The following CNTNAP4 variants were observed in gnomAD, a reference collection of about 807,000 sequenced individuals.
CNTNAP4 encodes the protein contactin associated protein family member 4.
In CNTNAP4, 98 loss-of-function variants were observed where a neutral mutation model predicts 148.4. The observed-to-expected ratio is 0.66, with a 90% confidence interval of 0.56 to 0.78. The LOEUF (loss-of-function observed/expected upper bound fraction) is 0.78, where lower values mean the gene tolerates loss of function less well. Ranked by LOEUF, CNTNAP4 falls within the 30% of genes least tolerant of loss-of-function variation. The probability of loss-of-function intolerance (pLI) is 0.00; values close to 1 mark genes in which losing one functional copy is unlikely to be tolerated. For missense variants in CNTNAP4, 1,935 were observed against 1,565.6 expected (o/e 1.24, Z -3.98); for synonymous variants, 730 against 565.1 (o/e 1.29, Z -4.14).
intron 1 of CNTNAP4, among the ~76,000 whole-genome samples, chr16:76,289,111 A>G (rs1317863030): frequency 6.6e-6 from 1 of 152,150 alleles, no homozygotes; most frequent in African/African-American, 2.4e-5. Context: ...ATAGGCCACT[A>G]CATCAAATTA....
At chr16:76,529,276 T>C (rs2083871807) in intron 17 of CNTNAP4, among the ~76,000 whole-genome samples, 1 of 152,012 alleles carries the variant, frequency 6.6e-6, no homozygotes, top group African/African-American at 2.4e-5. Context: ...TATGCCTATC[T>C]TAAAGAGTCC....
chr16:76,279,838 A>AT (rs1310531402), intron 1 of CNTNAP4, among the ~76,000 whole-genome samples: 3 of 152,132 alleles, frequency 2.0e-5, no homozygotes, highest in Non-Finnish European at 4.4e-5. Context: ...TTTCTATTTC[A>AT]TTTTTCAATA....
At chr16:76,424,845 A>G (rs981252285) in intron 3 of CNTNAP4, among the ~76,000 whole-genome samples, 3 of 152,154 alleles carry the variant, frequency 2.0e-5, no homozygotes, top group African/African-American at 2.4e-5. Flanking sequence ...TGCTCAGGCT[A>G]TGAGCGCTGA....
intron 21 of CNTNAP4, among the ~76,000 whole-genome samples, chr16:76,552,010 CA>C (rs1287726755): frequency 6.6e-6 from 1 of 152,158 alleles, no homozygotes; most frequent in Admixed American, 6.5e-5. Context: ...GAGGTGTAAT[CA>C]ACACAGTTCC....
intron 2 of CNTNAP4, among the ~76,000 whole-genome samples, chr16:76,343,367 CA>C (rs1964643012): frequency 6.6e-6 from 1 of 152,084 alleles, no homozygotes; most frequent in Non-Finnish European, 1.5e-5. Context: ...TGGAGATAAA[CA>C]GAGCAAAATG....
chr16:76,288,300 A>G (rs1958971684), intron 1 of CNTNAP4, among the ~76,000 whole-genome samples: 1 of 152,018 alleles, frequency 6.6e-6, no homozygotes, highest in African/African-American at 2.4e-5. Flanking sequence ...GAGTCAATTA[A>G]ACTTCTTTTC....
chr16:76,552,982 T>A (rs2085022801), intron 21 of CNTNAP4, among the ~76,000 whole-genome samples: 1 of 152,186 alleles, frequency 6.6e-6, no homozygotes, highest in Non-Finnish European at 1.5e-5. Flanking sequence ...TATATTTAAA[T>A]TAAAAGTATC....
intron 3 of CNTNAP4, among the ~76,000 whole-genome samples, chr16:76,418,828 T>C (rs2079079008): frequency 6.6e-6 from 1 of 151,938 alleles, no homozygotes; most frequent in Non-Finnish European, 1.5e-5. Context: ...AATAGGTTGT[T>C]AGTATGAAGA....
In CNTNAP4 at chr16:76,506,599, T is replaced by C. The variant is rs1193144359; in HGVS notation, c.2365+7905T>C. Reference sequence around the variant, plus strand: ...GATTCTCCTGCCTCAGCCTCCCAAGTAGCTCGGATTACAGGCGTGTGCCAC... The same window carrying C: ...GATTCTCCTGCCTCAGCCTCCCAAGCAGCTCGGATTACAGGCGTGTGCCAC... On this transcript the variant is annotated intron_variant, in intron 15 of 23. Coordinates refer to ENST00000611870, the MANE Select transcript of CNTNAP4 (RefSeq NM_033401.5). 2.3e-5 allele frequency among the ~76,000 whole-genome samples: 2 copies of C among 88,174 alleles called. 1 individual carries two copies. Among genetic ancestry groups the C allele is most frequent in the Non-Finnish European group, 6.4e-5 (2 of 31,094 alleles). The allele number at this position is 88,174 out of a possible 152,430, so 57.8% of individuals were successfully genotyped here.
intron 2 of CNTNAP4, among the ~76,000 whole-genome samples, chr16:76,346,319 G>A (rs913977608): frequency 6.7e-6 from 1 of 150,228 alleles, no homozygotes; most frequent in Non-Finnish European, 1.5e-5. Context: ...ACCATTAAGT[G>A]GAAATGATGT....
intron 4 of CNTNAP4, among the ~76,000 whole-genome samples, chr16:76,443,459 C>T (rs965845322): frequency 2.6e-5 from 4 of 152,112 alleles, no homozygotes; most frequent in African/African-American, 9.7e-5. Flanking sequence ...GTGGCAAATT[C>T]CTGTAGTCTC....
rs398119511 is a variant in CNTNAP4, at chr16:76,470,497, A to AT, written c.1655+2974_1655+2975insT. 2.6e-4 allele frequency among the ~76,000 whole-genome samples: 36 copies of AT among 137,348 alleles called. No homozygotes were observed. The South Asian group carries it at 3.4e-3, about 13-fold the overall frequency. 90.1% of individuals were successfully genotyped at this position (137,348 alleles called of 152,430 possible). A position where few individuals can be genotyped will look rare whatever the true frequency, so the allele number is the denominator to read the frequency against. ...CTCTACTAATAATATATATATATAT[A>AT]AAATTAGTCGGGCATGGTGGCACAT... On this transcript the variant is annotated intron_variant, in intron 10 of 23. Transcript: ENST00000611870.
At chr16:76,330,883 C>A (rs73625327) in intron 2 of CNTNAP4, among the ~76,000 whole-genome samples, 1 of 152,054 alleles carries the variant, frequency 6.6e-6, no homozygotes, top group South Asian at 2.1e-4. Context: ...ACATATGAAC[C>A]GGGATATTTG....
At chr16:76,463,530 A>G (rs1398089533) in intron 9 of CNTNAP4, among the ~76,000 whole-genome samples, 2 of 152,210 alleles carry the variant, frequency 1.3e-5, no homozygotes. Flanking sequence ...TATGATACAT[A>G]TGATATACAT....
intron 10 of CNTNAP4, among the ~76,000 whole-genome samples, chr16:76,469,801 C>G (rs2081301042): frequency 6.6e-6 from 1 of 152,112 alleles, no homozygotes; most frequent in African/African-American, 2.4e-5. Context: ...ATGCTTTAGG[C>G]TAACAGTAAT....
rs959417047 is a variant in CNTNAP4, at chr16:76,392,033, C to T, written c.391-35419C>T. On this transcript the variant is annotated intron_variant, in intron 3 of 23. Transcript: ENST00000611870. ...TGAGACAGAGTCTCCCTCTGTCGCCCAGGCTGGAGTGAAGTGGCACAATCT... is the reference window on the plus strand; with the variant it reads ...TGAGACAGAGTCTCCCTCTGTCGCCTAGGCTGGAGTGAAGTGGCACAATCT... 1.2e-4 allele frequency among the ~76,000 whole-genome samples: 19 copies of T among 152,296 alleles called. No individual in the cohort carries two copies. In the East Asian group the frequency reaches 1.4e-3, roughly 11 times the overall value.
At chr16:76,286,229 G>T (rs1958879801) in intron 1 of CNTNAP4, among the ~76,000 whole-genome samples, 1 of 148,674 alleles carries the variant, frequency 6.7e-6, no homozygotes, top group Non-Finnish European at 1.5e-5. Context: ...GAAGATAACT[G>T]TGGGTGGGAA....
intron 13 of CNTNAP4, among the ~76,000 whole-genome samples, chr16:76,492,972 C>G (rs1294359575): frequency 6.7e-6 from 1 of 150,268 alleles, no homozygotes; most frequent in Non-Finnish European, 1.5e-5. Context: ...TTAATGCTTC[C>G]CTGGTCTTTC....
At chr16:76,513,692 G>A (rs2083119219) in intron 15 of CNTNAP4, among the ~76,000 whole-genome samples, 1 of 152,158 alleles carries the variant, frequency 6.6e-6, no homozygotes, top group Admixed American at 6.5e-5. Context: ...AAACAGTAAT[G>A]TGTATGCTGT....
Sources: gnomAD v4.1 joint callset for allele counts (sites outside exome capture counted in the v4.1 genomes callset) on GRCh38, gnomAD v4.1.1 for gene constraint, MANE v1.5 for transcripts, NCBI Gene and HGNC (gene_info 2026-07-23, HGNC 2026-07-21) for gene names.